Variants in CHRM3 observed in about 807,000 individuals in gnomAD.
CHRM3 encodes cholinergic receptor muscarinic 3, also known as muscarinic acetylcholine receptor M3.
In CHRM3, 11 loss-of-function variants were observed where a neutral mutation model predicts 41.8. The observed-to-expected ratio is 0.26, with a 90% CI of 0.17 to 0.44. CHRM3 has a LOEUF of 0.44. Ranked by LOEUF, CHRM3 falls within the 20% of genes least tolerant of loss-of-function variation. The probability of loss-of-function intolerance (pLI) is 1.00; values close to 1 mark genes in which losing one functional copy is unlikely to be tolerated. For synonymous variants in CHRM3, 297 were observed against 301.4 expected (o/e 0.99, Z 0.15); for missense variants, 571 against 745.4 (o/e 0.77, Z 2.72).
intron 5 of CHRM3, among the ~76,000 whole-genome samples, chr1:239,688,560 ATAT>A (rs1464340680): frequency 7.3e-6 from 1 of 136,074 alleles, no homozygotes; most frequent in African/African-American, 2.7e-5. Context: ...TATATAACAT[ATAT>A]TATATGATAT....
In CHRM3 at chr1:239,452,935, G is replaced by T. The variant is rs1664662537; in HGVS notation, c.-520-39774G>T. The stretch of plus-strand genomic sequence containing the variant: ...CCTGCCTCAGCCTCCCGAGTAGCTG[G>T]GACTACAGGCACGCACCACCATGCC... On this transcript the variant is annotated intron_variant, in intron 1 of 6. Coordinates refer to ENST00000676153, the MANE Select transcript of CHRM3 (RefSeq NM_001375978.1). Among the ~76,000 whole-genome samples, 2 of 152,070 alleles carry T rather than the reference G, an allele frequency of 1.3e-5. 1 individual carries two copies. The highest frequency in any genetic ancestry group is 4.2e-4 in the South Asian group (2 of 4,812).
At chr1:239,404,414 GAAAGAAAGA>G (rs1558195793) in intron 1 of CHRM3, among the ~76,000 whole-genome samples, 1 of 51,194 alleles carries the variant, frequency 2.0e-5, no homozygotes, top group Admixed American at 2.1e-4. Flanking sequence ...GAAAGAAAAA[GAAAGAAAGA>G]AAGAAAGAAA....
intron 3 of CHRM3, among the ~76,000 whole-genome samples, chr1:239,566,021 C>T (rs1661333788): frequency 6.8e-6 from 1 of 148,060 alleles, no homozygotes. Context: ...CTCAAGTGGT[C>T]CTCCTACCTC....
intron 5 of CHRM3, among the ~76,000 whole-genome samples, chr1:239,780,513 T>C (rs754779088): frequency 5.9e-5 from 9 of 152,206 alleles, no homozygotes; most frequent in Non-Finnish European, 8.8e-5. Context: ...TTTGTATATT[T>C]TGGAGAACAG....
At chr1:239,547,978 T>A (rs1441971480) in intron 3 of CHRM3, among the ~76,000 whole-genome samples, 1 of 152,180 alleles carries the variant, frequency 6.6e-6, no homozygotes, top group African/African-American at 2.4e-5. Flanking sequence ...AATGACTTTT[T>A]TTTTTCAGGA....
At chr1:239,471,714 C>T (rs1666133561) in intron 1 of CHRM3, among the ~76,000 whole-genome samples, 1 of 152,140 alleles carries the variant, frequency 6.6e-6, no homozygotes, top group East Asian at 1.9e-4. Flanking sequence ...GAGGAAGAGA[C>T]CTAGGAATGA....
At chr1:239,520,524 G>A (rs186469000) in intron 2 of CHRM3, among the ~76,000 whole-genome samples, 2 of 152,214 alleles carry the variant, frequency 1.3e-5, no homozygotes, top group East Asian at 3.9e-4. Context: ...CCTCCACCAT[G>A]ACTGAGTGCT....
intron 5 of CHRM3, among the ~76,000 whole-genome samples, chr1:239,706,661 C>CAG (rs1661204509): frequency 6.6e-6 from 1 of 150,854 alleles, no homozygotes; most frequent in Admixed American, 6.6e-5. Context: ...TGCACCCACA[C>CAG]ACACTTGCAT....
intron 2 of CHRM3, among the ~76,000 whole-genome samples, chr1:239,537,975 G>A (rs951000778): frequency 2.0e-5 from 3 of 152,168 alleles, no homozygotes; most frequent in Non-Finnish European, 4.4e-5. Context: ...GAAAATATGC[G>A]TGTAAATGAG....
intron 5 of CHRM3, among the ~76,000 whole-genome samples, chr1:239,697,990 A>G (rs1198320054): frequency 6.6e-6 from 1 of 152,230 alleles, no homozygotes; most frequent in East Asian, 1.9e-4. Context: ...AGCTGGCAGC[A>G]TAGAAAAGTA....
intron 6 of CHRM3, among the ~76,000 whole-genome samples, chr1:239,868,223 C>T (rs779652702): frequency 6.6e-6 from 1 of 152,210 alleles, no homozygotes; most frequent in African/African-American, 2.4e-5. Context: ...GGAACTCCTG[C>T]GGCGTGATGC....
Position 239,739,497 on chromosome 1 carries a change from G to A in CHRM3, c.-147+61209G>A, listed in dbSNP as rs143344884. 4.4e-3 allele frequency among the ~76,000 whole-genome samples: 669 copies of A among 152,242 alleles called. 9 individuals carry two copies. Among genetic ancestry groups the A allele is most frequent in the African/African-American group, 0.016 (649 of 41,544 alleles). On this transcript the variant is annotated intron_variant, in intron 5 of 6. Transcript: ENST00000676153. The stretch of plus-strand genomic sequence containing the variant: ...TTCAGGCAAGAAACTCCCCTTGTGC[G>A]TAGAATATTTTAGAGTCCACACTGA...
chr1:239,778,912 T>C (rs148412747), intron 5 of CHRM3, among the ~76,000 whole-genome samples: 8 of 152,332 alleles, frequency 5.3e-5, no homozygotes, highest in South Asian at 2.1e-4. Context: ...GACACACTTA[T>C]AGTTTCAAGA....
intron 1 of CHRM3, among the ~76,000 whole-genome samples, chr1:239,410,589 C>G (rs1414320200): frequency 6.6e-6 from 1 of 152,186 alleles, no homozygotes; most frequent in Non-Finnish European, 1.5e-5. Context: ...CAGCAGTGAT[C>G]TCACGGTCTG....
chr1:239,533,050 G>A (rs927377037), intron 2 of CHRM3, among the ~76,000 whole-genome samples: 9 of 151,938 alleles, frequency 5.9e-5, no homozygotes, highest in Admixed American at 2.0e-4. Context: ...TTTCCCTTTC[G>A]ATGAGAAAAG....
intron 1 of CHRM3, among the ~76,000 whole-genome samples, chr1:239,421,373 G>T (rs746978713): frequency 5.3e-5 from 8 of 152,118 alleles, no homozygotes; most frequent in Non-Finnish European, 1.0e-4. Context: ...AGTGCTTTCA[G>T]CTCTTTATAT....
intron 3 of CHRM3, among the ~76,000 whole-genome samples, chr1:239,631,435 A>C (rs1262800008): frequency 6.6e-6 from 1 of 152,148 alleles, no homozygotes; most frequent in East Asian, 1.9e-4. Flanking sequence ...GCAAACTTCA[A>C]GGTCCTCCTT....
intron 2 of CHRM3, among the ~76,000 whole-genome samples, chr1:239,536,528 A>G (rs759536333): frequency 4.6e-5 from 7 of 152,248 alleles, no homozygotes; most frequent in Non-Finnish European, 2.9e-5. Flanking sequence ...AGACACAGAC[A>G]CGTGCATAAC....
At chr1:239,850,228 G>A (rs1674590124) in intron 6 of CHRM3, among the ~76,000 whole-genome samples, 1 of 152,068 alleles carries the variant, frequency 6.6e-6, no homozygotes, top group Admixed American at 6.6e-5. Context: ...AAAATAAAAT[G>A]TTATTAAGAA....
Sources: gnomAD v4.1 joint callset for allele counts (sites outside exome capture counted in the v4.1 genomes callset) on GRCh38, gnomAD v4.1.1 for gene constraint, MANE v1.5 for transcripts, NCBI Gene and HGNC (gene_info 2026-07-23, HGNC 2026-07-21) for gene names.